STAC: variants seen among roughly 807,000 people sequenced by gnomAD.
The protein encoded by STAC is SH3 and cysteine rich domain, also known as SH3 and cysteine-rich domain-containing protein.
Under a neutral mutation model 48.8 loss-of-function variants are expected in STAC, and 43 were observed. That is an observed-to-expected ratio of 0.88 (90% CI 0.69 to 1.14). STAC has a LOEUF of 1.14. STAC is among the 50% of genes most tolerant of loss of function. STAC has a pLI of 0.00. For missense variants in STAC, 497 were observed against 504.0 expected (o/e 0.99, Z 0.13); for synonymous variants, 193 against 179.5 (o/e 1.07, Z -0.60).
At position 36,470,916 on chromosome 3, in the gene STAC, G is replaced by T. The variant is rs534089953; in HGVS notation, c.389-12076G>T. Among the ~76,000 whole-genome samples the T allele has an allele frequency of 2.0e-5, 3 of 152,274 alleles. No homozygotes were observed. In the South Asian group the frequency reaches 6.2e-4, roughly 32 times the overall value. The stretch of plus-strand genomic sequence containing the variant: ...AAATTTTCACGTTACCTACTTTTAT[G>T]TTTAAAGTGAACTTTTATAAAGCAA... On this transcript the variant is annotated intron_variant, in intron 2 of 10. Coordinates refer to ENST00000273183, the MANE Select transcript of STAC (RefSeq NM_003149.3).
At chr3:36,504,987 GT>G (rs1168271363) in intron 7 of STAC, among the ~76,000 whole-genome samples, 1 of 151,954 alleles carries the variant, frequency 6.6e-6, no homozygotes, top group Non-Finnish European at 1.5e-5. Context: ...AAGCATAAAT[GT>G]TTTTATAGCA....
intron 4 of STAC, 37 bp from the exon 5 acceptor site, chr3:36,486,097 A>G (rs1193051077): frequency 7.7e-6 from 12 of 1,559,080 alleles, no homozygotes; most frequent in African/African-American, 1.4e-5. Flanking sequence ...GTCCTCTCAG[A>G]TGAGCTTCCT....
At chr3:36,434,994 G>A (rs1458069371) in intron 1 of STAC, among the ~76,000 whole-genome samples, 1 of 152,138 alleles carries the variant, frequency 6.6e-6, no homozygotes, top group African/African-American at 2.4e-5. Context: ...AAGTCCATTT[G>A]GCTTTAAGAG....
At chr3:36,473,770 T>C (rs1171650154) in intron 2 of STAC, among the ~76,000 whole-genome samples, 1 of 152,190 alleles carries the variant, frequency 6.6e-6, no homozygotes, top group African/African-American at 2.4e-5. Context: ...GTTATCCTAC[T>C]TTTTTTACTT....
intron 2 of STAC, among the ~76,000 whole-genome samples, chr3:36,445,660 T>C (rs1696489199): frequency 6.6e-6 from 1 of 152,230 alleles, no homozygotes; most frequent in Non-Finnish European, 1.5e-5. Flanking sequence ...TCTGTCTCCA[T>C]ATAGATTACC....
At chr3:36,396,426 T>A (rs1221994621) in intron 1 of STAC, among the ~76,000 whole-genome samples, 1 of 152,146 alleles carries the variant, frequency 6.6e-6, no homozygotes, top group Non-Finnish European at 1.5e-5. Flanking sequence ...TAGGGATAAT[T>A]TTCTGATAAC....
At chr3:36,435,871 T>C (rs1413787502) in intron 1 of STAC, among the ~76,000 whole-genome samples, 1 of 152,210 alleles carries the variant, frequency 6.6e-6, no homozygotes, top group East Asian at 1.9e-4. Context: ...ACTCCTCTCT[T>C]TGAGTCTTCT....
At chr3:36,454,766 T>C (rs768669409) in intron 2 of STAC, among the ~76,000 whole-genome samples, 19 of 152,302 alleles carry the variant, frequency 1.2e-4, no homozygotes, top group Non-Finnish European at 2.4e-4. Flanking sequence ...TTCCTTCCTG[T>C]AAACTGTTTA....
At position 36,505,775 on chromosome 3, in the gene STAC, G is replaced by T; in HGVS notation, c.861G>T (p.Met287Ile). 1 of 1,604,664 alleles carries T rather than the reference G, an allele frequency of 6.2e-7. No homozygotes were observed. Among genetic ancestry groups the T allele is most frequent in the East Asian group, 2.3e-5 (1 of 44,360 alleles). Residue 287 changes from methionine (M) to isoleucine (I), a missense_variant, in exon 8 of 11, where the codon ATG becomes ATT. Met to Ile is a conservative substitution (Grantham distance 10). Transcript: ENST00000273183. ...QGSLSKDPLQ[M>I]NTYVALYKFV... Reference sequence around the variant, plus strand: ...CTCTTTCCAAAGACCCATTACAGATGAACACCTATGTTGCCTTGTACAAAT... The same window carrying T: ...CTCTTTCCAAAGACCCATTACAGATTAACACCTATGTTGCCTTGTACAAAT...
At chr3:36,541,474 C>T (rs986273911) in intron 10 of STAC, among the ~76,000 whole-genome samples, 2 of 152,120 alleles carry the variant, frequency 1.3e-5, no homozygotes, top group Non-Finnish European at 2.9e-5. Context: ...TAAGGTTGCC[C>T]AGCTGAAATG....
chr3:36,545,865 C>T (rs1315267701), intron 10 of STAC, among the ~76,000 whole-genome samples: 2 of 152,198 alleles, frequency 1.3e-5, no homozygotes, highest in Admixed American at 6.5e-5. Flanking sequence ...ATGCTAGGCT[C>T]CTTGACAAAC....
chr3:36,544,675 C>T (rs995160151), intron 10 of STAC, among the ~76,000 whole-genome samples: 30 of 152,072 alleles, frequency 2.0e-4, no homozygotes, highest in South Asian at 1.2e-3. Context: ...GCTTGCAGAA[C>T]GTGCACGTTT....
chr3:36,457,930 G>A (rs1189466377), intron 2 of STAC, among the ~76,000 whole-genome samples: 2 of 152,182 alleles, frequency 1.3e-5, no homozygotes, highest in Admixed American at 6.5e-5. Flanking sequence ...AGGGGCGGGG[G>A]AAGTAGAAAG....
chr3:36,433,582 C>T (rs1176823289), intron 1 of STAC, among the ~76,000 whole-genome samples: 2 of 152,184 alleles, frequency 1.3e-5, no homozygotes, highest in Non-Finnish European at 2.9e-5. Flanking sequence ...AAATATAGGG[C>T]TTGTGTCACC....
chr3:36,482,488 C>A (rs1342139108), intron 2 of STAC, among the ~76,000 whole-genome samples: 2 of 152,230 alleles, frequency 1.3e-5, no homozygotes, highest in East Asian at 3.9e-4. Context: ...GGGTTGGCAT[C>A]TGATTGAGTC....
chr3:36,398,352 AAAG>A lies in STAC; in HGVS notation c.111+17601_111+17603del, dbSNP rs1248298693. On this transcript the variant is annotated intron_variant, in intron 1 of 10. Transcript: ENST00000273183. ...GAAAGAAAGAAAGAAAGAAAGAAAG[AAAG>A]AAAGAAAGAAAGAAAAGAAAGAGAG... Among the ~76,000 whole-genome samples the A allele has an allele frequency of 8.3e-4, 117 of 140,460 alleles. 4 individuals carry two copies. In the Middle Eastern group the frequency reaches 0.011, roughly 13 times the overall value. 92.1% of individuals were successfully genotyped at this position (140,460 alleles called of 152,430 possible).
intron 2 of STAC, among the ~76,000 whole-genome samples, chr3:36,456,056 C>G (rs966402851): frequency 8.3e-5 from 7 of 84,650 alleles, no homozygotes; most frequent in Non-Finnish European, 1.9e-4. Context: ...GCATCACATA[C>G]ACACACGTGC....
chr3:36,515,754 G>A (rs1426811311), intron 8 of STAC, among the ~76,000 whole-genome samples: 11 of 152,018 alleles, frequency 7.2e-5, no homozygotes, highest in Non-Finnish European at 1.5e-4. Context: ...CTGTACCTGT[G>A]AGGAAAAGCT....
chr3:36,527,237 T>A (rs1698958121), intron 8 of STAC, among the ~76,000 whole-genome samples: 1 of 152,154 alleles, frequency 6.6e-6, no homozygotes. Context: ...GCCAACTAAT[T>A]TCAGAGGAAA....
Sources: gnomAD v4.1 joint callset for allele counts (sites outside exome capture counted in the v4.1 genomes callset) on GRCh38, gnomAD v4.1.1 for gene constraint, MANE v1.5 for transcripts, NCBI Gene and HGNC (gene_info 2026-07-23, HGNC 2026-07-21) for gene names.